The following SHANK2 variants were observed in gnomAD, a reference collection of about 807,000 sequenced individuals.
SHANK2 encodes SH3 and multiple ankyrin repeat domains 2.
A neutral mutation model predicts 133.7 loss-of-function variants in SHANK2; 43 were observed. The ratio of observed to expected loss-of-function variants is 0.32; its 90% CI spans 0.25 to 0.41. The LOEUF (loss-of-function observed/expected upper bound fraction) is 0.41. Among genes scored for constraint, SHANK2 ranks in the 10% least tolerant of loss-of-function variants. The pLI is 1.00. For missense variants in SHANK2, 1,994 were observed against 2,235.8 expected, an observed-to-expected ratio of 0.89 and a Z score of 2.18; for synonymous variants, 1,017 against 952.8, an observed-to-expected ratio of 1.07 and a Z score of -1.24.
intron 11 of SHANK2, among the ~76,000 whole-genome samples, chr11:70,858,707 CT>C (rs782669029): frequency 2.6e-5 from 4 of 152,240 alleles, no homozygotes; most frequent in African/African-American, 4.8e-5. Flanking sequence ...ACCCAGACCC[CT>C]GATTTAGAAC....
chr11:70,609,292 G>C (rs915089020), intron 17 of SHANK2, among the ~76,000 whole-genome samples: 1 of 152,210 alleles, frequency 6.6e-6, no homozygotes, highest in Admixed American at 6.5e-5. Flanking sequence ...GGAAGAATCC[G>C]AGGACTCCTG....
At chr11:71,151,548 G>C (rs2135426409) in intron 2 of SHANK2, among the ~76,000 whole-genome samples, 1 of 152,344 alleles carries the variant, frequency 6.6e-6, no homozygotes, top group African/African-American at 2.4e-5. Context: ...TTGGAAAGCA[G>C]TGCAGGCATG....
At chr11:70,828,481 TGTGTCCCACAGAG>T (rs1360189836) in intron 11 of SHANK2, among the ~76,000 whole-genome samples, 1 of 152,368 alleles carries the variant, frequency 6.6e-6, no homozygotes, top group Admixed American at 6.5e-5. Flanking sequence ...GAGCCACCAG[TGTGTCCCACAGAG>T]TTCATGCACC....
intron 11 of SHANK2, among the ~76,000 whole-genome samples, chr11:70,854,243 T>C (rs1336172850): frequency 1.3e-5 from 2 of 152,108 alleles, no homozygotes; most frequent in Non-Finnish European, 2.9e-5. Context: ...TAAGAAAAAA[T>C]TACTTGAGAT....
At chr11:70,652,420 A>G (rs554389680) in intron 17 of SHANK2, among the ~76,000 whole-genome samples, 79 of 152,206 alleles carry the variant, frequency 5.2e-4, no homozygotes, top group Non-Finnish European at 9.8e-4. Flanking sequence ...TTATTATAAT[A>G]TTATTATCCC....
chr11:70,874,879 T>C (rs1555070895), intron 11 of SHANK2, among the ~76,000 whole-genome samples: 1 of 152,166 alleles, frequency 6.6e-6, no homozygotes, highest in African/African-American at 2.4e-5. Context: ...TCACAGGGCA[T>C]GGAGACCAGG....
rs1555037997 is a variant in SHANK2 at position 70,753,811 on chromosome 11, A to AGT, written c.1777+44630_1777+44631dup. 1.5e-4 allele frequency among the ~76,000 whole-genome samples: 22 copies of AGT among 144,826 alleles called. No individual in the cohort carries two copies. In the East Asian group the frequency reaches 1.8e-3, roughly 12 times the overall value. On this transcript the variant is annotated intron_variant, in intron 14 of 25. Transcript: ENST00000601538. ...TGTCTTACATCTATTAAAGATATTA[A>AGT]GTGTGTGTGTGTGTGTTTGAGACAG...
intron 11 of SHANK2, among the ~76,000 whole-genome samples, chr11:70,822,270 T>A (rs1948540111): frequency 6.6e-6 from 1 of 152,254 alleles, no homozygotes; most frequent in East Asian, 1.9e-4. Context: ...GGACCAGGGC[T>A]ACCATCTGAC....
chr11:71,153,124 G>C (rs782684263), intron 2 of SHANK2, among the ~76,000 whole-genome samples: 2 of 152,182 alleles, frequency 1.3e-5, no homozygotes, highest in Admixed American at 6.5e-5. Flanking sequence ...CTCTAACCCC[G>C]TGAGGACCAG....
At position 70,534,436 on chromosome 11, in the gene SHANK2, A is replaced by T. The variant is rs188771728; in HGVS notation, c.2062-31505T>A. On this transcript the variant is annotated intron_variant, in intron 17 of 25. Transcript: ENST00000601538. ...TGGGGATTATGGGAACTACAATTCA[A>T]GATGAGATTTGGGTGGAGATGCAGC... 9.8e-5 allele frequency among the ~76,000 whole-genome samples: 15 copies of T among 152,350 alleles called. No homozygotes were observed. The East Asian group carries it at 1.9e-3, about 20-fold the overall frequency.
chr11:71,249,480 C>T (rs1948141247), intron 1 of SHANK2, among the ~76,000 whole-genome samples: 1 of 152,150 alleles, frequency 6.6e-6, no homozygotes, highest in African/African-American at 2.4e-5. Flanking sequence ...CTCCCTGCTG[C>T]CCCAAGGAGG....
rs1239239984 is a variant in SHANK2, at chr11:71,175,196, C to A, written c.-12-27858G>T. Among the ~76,000 whole-genome samples the A allele has an allele frequency of 1.3e-5, 2 of 152,178 alleles. No individual in the cohort carries two copies. The highest frequency in any genetic ancestry group is 6.5e-5 in the Admixed American group (1 of 15,284). On this transcript the variant is annotated intron_variant, in intron 2 of 25. Coordinates refer to ENST00000601538, the MANE Select transcript of SHANK2 (RefSeq NM_012309.5). This position sits in a 1 kb window ranked among gnomAD's most constrained non-coding sequence, Gnocchi z 4.2. Reference sequence around the variant, plus strand: ...ACAAAACCCATCGTCTTCGCCAGTGCTTCCTCGGCACCTAGTCCAACTCAG... The same window carrying A: ...ACAAAACCCATCGTCTTCGCCAGTGATTCCTCGGCACCTAGTCCAACTCAG...
At chr11:71,242,475 C>G (rs963011014) in intron 1 of SHANK2, among the ~76,000 whole-genome samples, 1 of 152,194 alleles carries the variant, frequency 6.6e-6, no homozygotes, top group Non-Finnish European at 1.5e-5. Context: ...GTATCACACA[C>G]CGCTTCCTTT....
chr11:70,494,350 A>T (rs2058939060), intron 21 of SHANK2, among the ~76,000 whole-genome samples: 1 of 151,996 alleles, frequency 6.6e-6, no homozygotes. Context: ...TCTCACTGTC[A>T]CCTGGGCTGC....
Position 70,500,834 on chromosome 11 carries a change from A to G in SHANK2, c.2288-244T>C, listed in dbSNP as rs2059039983. ...CCTGCTCGTTAACCTACTGCCTGGCAGTGGAAAGGGGCTTTCCTTCTTCCT... is the reference window on the plus strand; with the variant it reads ...CCTGCTCGTTAACCTACTGCCTGGCGGTGGAAAGGGGCTTTCCTTCTTCCT... On this transcript the variant is annotated intron_variant, in intron 20 of 25. Coordinates refer to ENST00000601538, the MANE Select transcript of SHANK2 (RefSeq NM_012309.5). The surrounding 1 kb of genome is among the most constrained non-coding windows in gnomAD (Gnocchi z 4.5). 3 of 712,680 alleles carry G rather than the reference A, an allele frequency of 4.2e-6. No individual in the cohort carries two copies. The highest frequency in any genetic ancestry group is 1.8e-5 in the African/African-American group (1 of 54,666). The allele number at this position is 712,680 out of a possible 1,614,324, so 44.1% of individuals were successfully genotyped here.
At chr11:71,056,186 C>G (rs1279599763) in intron 10 of SHANK2, among the ~76,000 whole-genome samples, 1 of 152,182 alleles carries the variant, frequency 6.6e-6, no homozygotes, top group Non-Finnish European at 1.5e-5. Context: ...AACAGCTGCA[C>G]AGTTGGAAGC....
chr11:70,780,940 G>A (rs1017332558), intron 14 of SHANK2, among the ~76,000 whole-genome samples: 2 of 151,788 alleles, frequency 1.3e-5, no homozygotes, highest in Non-Finnish European at 2.9e-5. Context: ...TTGTTTTAAC[G>A]CAGGAGATTT....
chr11:70,803,288 A>T (rs1948089224), intron 13 of SHANK2, among the ~76,000 whole-genome samples: 1 of 13,186 alleles, frequency 7.6e-5, no homozygotes, highest in Admixed American at 6.2e-4. Flanking sequence ...TCAACCGCAC[A>T]TCCATCCATC....
At chr11:70,707,016 C>T (rs560628049) in intron 14 of SHANK2, among the ~76,000 whole-genome samples, 129 of 152,180 alleles carry the variant, frequency 8.5e-4, no homozygotes, top group South Asian at 1.9e-3. Context: ...TACTAAGACA[C>T]TGAAAGGCCA....
Sources: gnomAD v4.1 joint callset for allele counts (sites outside exome capture counted in the v4.1 genomes callset) on GRCh38, gnomAD v4.1.1 for gene constraint, Gnocchi (gnomAD v3.1) non-coding constraint, MANE v1.5 for transcripts, NCBI Gene and HGNC (gene_info 2026-07-23, HGNC 2026-07-21) for gene names.